Variants in MAPK8IP3 observed in about 807,000 individuals in gnomAD.
The protein encoded by MAPK8IP3 is C-Jun-amino-terminal kinase-interacting protein 3.
Under a neutral mutation model 157.8 loss-of-function variants are expected in MAPK8IP3, and 49 were observed. That is an observed-to-expected ratio of 0.31 (90% CI 0.25 to 0.39). The LOEUF is 0.39. Ranked by LOEUF, MAPK8IP3 falls within the 10% of genes least tolerant of loss-of-function variation. The probability of loss-of-function intolerance (pLI) is 1.00; values close to 1 mark genes in which losing one functional copy is unlikely to be tolerated. For missense variants in MAPK8IP3, 1,478 were observed against 1,889.4 expected (o/e 0.78, Z 4.04); for synonymous variants, 897 against 777.7 (o/e 1.15, Z -2.55).
chr16:1,736,633 TGTGAGC>T (rs1596635150), intron 4 of MAPK8IP3, among the ~76,000 whole-genome samples: 4 of 55,650 alleles, frequency 7.2e-5, no homozygotes, highest in East Asian at 5.3e-4. Flanking sequence ...TGAGCGTCCG[TGTGAGC>T]GTGTGACCGT....
intron 1 of MAPK8IP3, among the ~76,000 whole-genome samples, chr16:1,718,522 G>A (rs997124466): frequency 6.6e-5 from 10 of 151,916 alleles, no homozygotes; most frequent in Non-Finnish European, 1.3e-4. Context: ...GGCCGGGTAC[G>A]GTGGCTCTCG....
intron 4 of MAPK8IP3, among the ~76,000 whole-genome samples, chr16:1,737,255 CGTCCGTGTGAG>C (rs1247577249): frequency 2.4e-5 from 2 of 82,122 alleles, no homozygotes; most frequent in Non-Finnish European, 4.3e-5. Flanking sequence ...ACCGTGTGAG[CGTCCGTGTGAG>C]CGTGTGAGCG....
Position 1,764,307 on chromosome 16 carries a change from T to G in MAPK8IP3, c.2128T>G (p.Cys710Gly). ...CTCGGCCCTGCCCTTGCAGCTGTGG[T>G]GTGCCGCGGGCGTCAACCTGAGCGG... ...VEKDPTMKLW[C>G]AAGVNLSGWR... is the part of the protein sequence containing the mutation. Residue 710 changes from cysteine (C) to glycine (G), a missense_variant, in exon 19 of 32, where the codon TGT (cysteine) becomes GGT (glycine). By Grantham distance (159) the Cys-to-Gly change is radical. Around this residue, in one of 11 missense-constraint regions of MAPK8IP3, gnomAD observed 669 missense variants for 759.8 expected, o/e 0.88. Transcript: ENST00000610761. 4 of 1,577,966 alleles carry G rather than the reference T, an allele frequency of 2.5e-6. No homozygotes were observed. The highest frequency in any genetic ancestry group is 3.4e-6 in the Non-Finnish European group (4 of 1,163,124).
At chr16:1,744,430 G>T in intron 5 of MAPK8IP3, 22 of 985,918 alleles carry the variant, frequency 2.2e-5, no homozygotes, top group Non-Finnish European at 2.5e-5. Context: ...CTCCTGCTCC[G>T]TCAGCCCACC....
rs1239133888 is a variant in MAPK8IP3 at position 1,706,214 on chromosome 16, G to C, written c.-126G>C. ...GGGCGCAGCCTCGGCAGCGGCGGCG[G>C]CGGAGCCCTGAGGCGACAGCAGCTG... is the stretch of plus-strand genomic sequence containing the variant. On this transcript the variant is annotated 5_prime_UTR_variant, in exon 1 of 32. Transcript: ENST00000610761. The surrounding 1 kb of genome is among the most constrained non-coding windows in gnomAD (Gnocchi z 5.1). The C allele has an allele frequency of 7.7e-6, 6 of 780,422 alleles. No homozygotes were observed. The highest frequency in any genetic ancestry group is 1.1e-5 in the Non-Finnish European group (6 of 570,620). The allele number at this position is 780,422 out of a possible 1,614,324, so 48.3% of individuals were successfully genotyped here. A position where few individuals can be genotyped will look rare whatever the true frequency, so the allele number is the denominator to read the frequency against.
chr16:1,762,281 AC>A, intron 13 of MAPK8IP3, 69 bp from the exon 14 acceptor site: 1 of 1,492,514 alleles, frequency 6.7e-7, no homozygotes. Context: ...ACGTGTAGGC[AC>A]CCCAGGAGGA....
At chr16:1,749,868 G>A (rs909065896) in intron 8 of MAPK8IP3, among the ~76,000 whole-genome samples, 2 of 152,194 alleles carry the variant, frequency 1.3e-5, no homozygotes, top group African/African-American at 4.8e-5. Flanking sequence ...ACCCTGACAG[G>A]GAGGCCTGTC....
At chr16:1,711,837 G>A (rs1331496361) in intron 1 of MAPK8IP3, among the ~76,000 whole-genome samples, 1 of 151,704 alleles carries the variant, frequency 6.6e-6, no homozygotes, top group Non-Finnish European at 1.5e-5. Context: ...CTACTTGGAA[G>A]GCTGAAGCAG....
chr16:1,723,986 C>T (rs1195150669), intron 1 of MAPK8IP3, among the ~76,000 whole-genome samples: 1 of 152,156 alleles, frequency 6.6e-6, no homozygotes, highest in Non-Finnish European at 1.5e-5. Context: ...CTGGTTATCC[C>T]AGTAACGATG....
chr16:1,709,459 C>G (rs1300488688), intron 1 of MAPK8IP3, among the ~76,000 whole-genome samples: 1 of 152,246 alleles, frequency 6.6e-6, no homozygotes. Context: ...TGTTGGTTGC[C>G]TGGAGAATTG....
intron 4 of MAPK8IP3, among the ~76,000 whole-genome samples, chr16:1,737,060 GCGTCCGTGTGAGCGTGTGAC>G (rs1466399693): frequency 6.1e-5 from 5 of 82,228 alleles, no homozygotes; most frequent in Non-Finnish European, 9.6e-5. Flanking sequence ...GTCCGTGTGA[GCGTCCGTGTGAGCGTGTGAC>G]CGTCCGTGTG....
At position 1,743,758 on chromosome 16, in the gene MAPK8IP3, G is replaced by A. The variant is rs1388784650; in HGVS notation, c.747+282G>A. 7 of 1,326,786 alleles carry A rather than the reference G, an allele frequency of 5.3e-6. No homozygotes were observed. Among genetic ancestry groups the A allele is most frequent in the Non-Finnish European group, 6.7e-6 (7 of 1,043,820 alleles). The allele number at this position is 1,326,786 out of a possible 1,614,324, so 82.2% of individuals were successfully genotyped here. On this transcript the variant is annotated intron_variant, in intron 5 of 31. Transcript: ENST00000610761. The surrounding 1 kb of genome is among the most constrained non-coding windows in gnomAD (Gnocchi z 5.6). ...TTGGATAGACCGCTCTGTAGCCAGG[G>A]GTGTACAGTGCCTGTCAGGGTTGAG... is the stretch of plus-strand genomic sequence containing the variant.
intron 20 of MAPK8IP3, among the ~76,000 whole-genome samples, 167 bp from the exon 21 acceptor site, chr16:1,765,793 C>T (rs574835840): frequency 3.2e-4 from 49 of 152,326 alleles, no homozygotes; most frequent in African/African-American, 1.0e-3. Flanking sequence ...CCCAGACCTC[C>T]AGGCAGAGGG....
Position 1,743,416 on chromosome 16 carries a change from T to C in MAPK8IP3, c.687T>C (p.Pro229=), listed in dbSNP as rs769519320. ...CACAGATCGGGGGCAAGCTCGTGCC[T>C]GCGGGGGACCACTGGCACCTGAGTG... is the stretch of plus-strand genomic sequence containing the variant. ...VRAQIGGKLV[P]AGDHWHLSDL... is the part of the protein sequence containing the mutation. The change falls in exon 5 of 32, where the codon CCT becomes CCC. Residue 229 remains proline (P), a synonymous_variant. Transcript: ENST00000610761. This position sits in a 1 kb window ranked among gnomAD's most constrained non-coding sequence, Gnocchi z 5.6. The C allele has an allele frequency of 8.1e-6, 13 of 1,609,884 alleles. No homozygotes were observed. The highest frequency in any genetic ancestry group is 1.1e-5 in the Non-Finnish European group (13 of 1,178,602).
Position 1,768,472 on chromosome 16 carries a change from C to G in MAPK8IP3, c.3743-5C>G. The G allele has an allele frequency of 6.4e-7, 1 of 1,571,944 alleles. No homozygotes were observed. The highest frequency in any genetic ancestry group is 8.6e-7 in the Non-Finnish European group (1 of 1,164,214). On this transcript the variant is annotated splice_polypyrimidine_tract_variant and splice_region_variant and intron_variant, in intron 30 of 31. Transcript: ENST00000610761. The stretch of plus-strand genomic sequence containing the variant: ...CGCTGTCCTGAATCGCTTCTGCCAT[C>G]CCAGGGAACGTGCTGGCCACCCTGA...
intron 2 of MAPK8IP3, among the ~76,000 whole-genome samples, chr16:1,727,614 G>A (rs969140537): frequency 4.2e-4 from 64 of 151,994 alleles, no homozygotes; most frequent in African/African-American, 4.6e-4. Flanking sequence ...TGTCTAAGTC[G>A]TGCATGTGAG....
Position 1,718,827 on chromosome 16 carries a change from C to A in MAPK8IP3, c.319-5730C>A, listed in dbSNP as rs528069759. Among the ~76,000 whole-genome samples the A allele has an allele frequency of 5.9e-5, 9 of 152,120 alleles. No individual in the cohort carries two copies. The South Asian group carries it at 1.9e-3, about 32-fold the overall frequency. On this transcript the variant is annotated intron_variant, in intron 1 of 31. Transcript: ENST00000610761. ...ATGTTCCAGCATCCACCCCCAGAAG[C>A]CCCATCAGAGGACTCTTCACTTCCT... is the stretch of plus-strand genomic sequence containing the variant.
At chr16:1,730,044 C>CAAAAAAAAAAAA (rs58933347) in intron 4 of MAPK8IP3, among the ~76,000 whole-genome samples, 1 of 46,976 alleles carries the variant, frequency 2.1e-5, no homozygotes. Flanking sequence ...CTTGTCTCTA[C>CAAAAAAAAAAAA]AAAAAAAAAA....
chr16:1,768,637 C>T lies in MAPK8IP3; in HGVS notation c.3892+11C>T. Reference sequence around the variant, plus strand: ...TCGACTTCCGCATTGGTGAGCGGGGCCCAGGGACAGGGCTGAGGTTGGGCG... The same window carrying T: ...TCGACTTCCGCATTGGTGAGCGGGGTCCAGGGACAGGGCTGAGGTTGGGCG... On this transcript the variant is annotated intron_variant, in intron 31 of 31. Transcript: ENST00000610761. The T allele has an allele frequency of 1.9e-6, 3 of 1,607,224 alleles. No individual in the cohort carries two copies. The highest frequency in any genetic ancestry group is 2.5e-6 in the Non-Finnish European group (3 of 1,177,594).
Sources: allele counts gnomAD v4.1 joint callset (sites outside exome capture counted in the v4.1 genomes callset), GRCh38; gene constraint gnomAD v4.1.1; regional missense constraint gnomAD v4.1.1; non-coding constraint Gnocchi (gnomAD v3.1); transcripts MANE v1.5; gene names NCBI Gene and HGNC (gene_info 2026-07-23, HGNC 2026-07-21).